ALK: variants seen among roughly 807,000 people sequenced by gnomAD.
The protein encoded by ALK is ALK receptor tyrosine kinase.
ALK carries 74 observed loss-of-function variants against 163.1 expected under a neutral mutation model. The observed-to-expected ratio is 0.45, with a 90% CI of 0.38 to 0.55. ALK has a LOEUF of 0.55. Among genes scored for constraint, ALK ranks in the 20% least tolerant of loss-of-function variants. The pLI, the probability that ALK is intolerant of heterozygous loss-of-function variation, is 0.00. For synonymous variants in ALK, 960 were observed against 843.2 expected (o/e 1.14, Z -2.40); for missense variants, 2,063 against 2,105.3 (o/e 0.98, Z 0.39).
At chr2:29,617,505 A>G (rs6711471) in intron 3 of ALK, among the ~76,000 whole-genome samples, 120,472 of 152,172 alleles carry the variant, frequency 0.79, 48,004 homozygotes, top group African/African-American at 0.88. Context: ...ATTTCAGAGC[A>G]TATAGTCCAG....
At position 29,446,085 on chromosome 2, in the gene ALK, C is replaced by A. The variant is rs1235119988; in HGVS notation, c.1155-62226G>T. Among the ~76,000 whole-genome samples the A allele has an allele frequency of 1.5e-4, 14 of 91,442 alleles. No individual in the cohort carries two copies. The Admixed American group carries it at 2.6e-3, about 17-fold the overall frequency. The allele number at this position is 91,442 out of a possible 152,430, so 60.0% of individuals were successfully genotyped here. ...CTGCACTCCAGCCTGGGCGACAGAG[C>A]GAGACTCCGTCTCAAAAAAAAAAAA... On this transcript the variant is annotated intron_variant, in intron 4 of 28. Transcript: ENST00000389048.
intron 4 of ALK, among the ~76,000 whole-genome samples, chr2:29,400,634 T>C (rs1573320380): frequency 6.6e-6 from 1 of 152,288 alleles, no homozygotes; most frequent in Non-Finnish European, 1.5e-5. Flanking sequence ...AAGTCCCCTT[T>C]TCCCAGCCTG....
At chr2:29,352,752 A>G (rs1668151971) in intron 5 of ALK, among the ~76,000 whole-genome samples, 1 of 152,198 alleles carries the variant, frequency 6.6e-6, no homozygotes, top group African/African-American at 2.4e-5. Flanking sequence ...GGTAGTGAGG[A>G]ATAAGAGGGT....
intron 4 of ALK, among the ~76,000 whole-genome samples, chr2:29,498,436 G>A (rs1197051391): frequency 6.6e-6 from 1 of 152,088 alleles, no homozygotes; most frequent in Non-Finnish European, 1.5e-5. Flanking sequence ...ATGAGATATA[G>A]AGGAAATTAC....
At chr2:29,312,572 G>A (rs1167332966) in intron 8 of ALK, among the ~76,000 whole-genome samples, 1 of 152,176 alleles carries the variant, frequency 6.6e-6, no homozygotes, top group Non-Finnish European at 1.5e-5. Flanking sequence ...TCTACCTGGA[G>A]CCACCACCCT....
chr2:29,857,652 T>A (rs1276071058), intron 1 of ALK, among the ~76,000 whole-genome samples: 1 of 152,054 alleles, frequency 6.6e-6, no homozygotes, highest in Non-Finnish European at 1.5e-5. Flanking sequence ...CATGTAAGAA[T>A]AAAGAGGAAG....
intron 3 of ALK, among the ~76,000 whole-genome samples, chr2:29,590,411 C>T (rs894079611): frequency 1.3e-5 from 2 of 152,132 alleles, no homozygotes; most frequent in Admixed American, 6.5e-5. Flanking sequence ...GTTCAGTTGA[C>T]AAAGATTTTT....
At chr2:29,702,301 A>G (rs1236768819) in intron 2 of ALK, among the ~76,000 whole-genome samples, 1 of 152,046 alleles carries the variant, frequency 6.6e-6, no homozygotes, top group African/African-American at 2.4e-5. Flanking sequence ...CACACTTCAT[A>G]CTACAACAAT....
intron 5 of ALK, among the ~76,000 whole-genome samples, chr2:29,335,299 C>A (rs975099447): frequency 6.6e-6 from 1 of 152,166 alleles, no homozygotes; most frequent in Non-Finnish European, 1.5e-5. Context: ...AATGGCACTT[C>A]CCCCAGACTA....
intron 12 of ALK, among the ~76,000 whole-genome samples, chr2:29,245,618 G>C (rs188126003): frequency 7.0e-6 from 1 of 143,014 alleles, no homozygotes; most frequent in Non-Finnish European, 1.5e-5. Context: ...GCACACAGTA[G>C]GGGCTTTATG....
chr2:29,203,653 A>AT (rs1669240987), intron 26 of ALK, among the ~76,000 whole-genome samples: 1 of 150,978 alleles, frequency 6.6e-6, no homozygotes, highest in Non-Finnish European at 1.5e-5. Context: ...CGCCCAGCTA[A>AT]TTTTTGTATT....
At chr2:29,349,387 G>C (rs1440432236) in intron 5 of ALK, among the ~76,000 whole-genome samples, 1 of 152,210 alleles carries the variant, frequency 6.6e-6, no homozygotes, top group Non-Finnish European at 1.5e-5. Flanking sequence ...CTGCTTGTTT[G>C]TGATTGCTGC....
intron 2 of ALK, among the ~76,000 whole-genome samples, chr2:29,712,911 G>A (rs954848019): frequency 2.0e-5 from 3 of 152,142 alleles, no homozygotes. Flanking sequence ...TGGACATTAG[G>A]GGGCTGGATC....
At chr2:29,247,240 T>G (rs1221603976) in intron 12 of ALK, among the ~76,000 whole-genome samples, 2 of 152,208 alleles carry the variant, frequency 1.3e-5, no homozygotes, top group Admixed American at 1.3e-4. Flanking sequence ...CGGAGATGCC[T>G]GTGCACACAC....
At chr2:29,481,577 G>C (rs1179190157) in intron 4 of ALK, among the ~76,000 whole-genome samples, 1 of 152,118 alleles carries the variant, frequency 6.6e-6, no homozygotes. Flanking sequence ...TAGAATCTCC[G>C]ACTTTGGCAA....
At chr2:29,464,827 T>A (rs754557312) in intron 4 of ALK, among the ~76,000 whole-genome samples, 1 of 152,108 alleles carries the variant, frequency 6.6e-6, no homozygotes, top group African/African-American at 2.4e-5. Flanking sequence ...CACCAAGTGT[T>A]AATAGTGACA....
chr2:29,914,497 T>C (rs1211968185), intron 1 of ALK, among the ~76,000 whole-genome samples: 1 of 152,218 alleles, frequency 6.6e-6, no homozygotes, highest in African/African-American at 2.4e-5. Flanking sequence ...GCTGTTGCTA[T>C]TATATAAAAA....
At chr2:29,869,505 G>A (rs987291791) in intron 1 of ALK, among the ~76,000 whole-genome samples, 1 of 152,102 alleles carries the variant, frequency 6.6e-6, no homozygotes, top group Non-Finnish European at 1.5e-5. Context: ...TCACAAATCA[G>A]TAAGGAAGGA....
intron 1 of ALK, among the ~76,000 whole-genome samples, chr2:29,864,643 T>C (rs1418254169): frequency 6.6e-6 from 1 of 152,200 alleles, no homozygotes; most frequent in African/African-American, 2.4e-5. Flanking sequence ...TGTATTTGCA[T>C]AGTATTTCTT....
Sources: allele counts gnomAD v4.1 joint callset (sites outside exome capture counted in the v4.1 genomes callset), GRCh38; gene constraint gnomAD v4.1.1; transcripts MANE v1.5; gene names NCBI Gene and HGNC (gene_info 2026-07-23, HGNC 2026-07-21).